The following ITGA8 variants were observed in gnomAD, a reference collection of about 807,000 sequenced individuals.
ITGA8 encodes the protein integrin subunit alpha 8, also known as integrin alpha-8.
ITGA8 carries 91 observed loss-of-function variants against 142.3 expected under a neutral mutation model. That is an observed-to-expected ratio of 0.64 (90% CI 0.54 to 0.76). The LOEUF is 0.76. Ranked by LOEUF, ITGA8 falls within the 30% of genes least tolerant of loss-of-function variation. The pLI, the probability that ITGA8 is intolerant of heterozygous loss-of-function variation, is 0.00. For missense variants in ITGA8, 1,406 were observed against 1,327.7 expected (o/e 1.06, Z -0.92); for synonymous variants, 505 against 485.2 (o/e 1.04, Z -0.54).
intron 12 of ITGA8, among the ~76,000 whole-genome samples, chr10:15,644,484 ATATATATAGAATT>A (rs1833939896): frequency 8.4e-5 from 1 of 11,882 alleles, no homozygotes; most frequent in Admixed American, 1.4e-3. Flanking sequence ...ATATATATAT[ATATATATAGAATT>A]TTTTTTTTTT....
chr10:15,715,119 C>T lies in ITGA8; in HGVS notation c.343+3647G>A, dbSNP rs536751371. Among the ~76,000 whole-genome samples, 8 of 152,028 alleles carry T rather than the reference C, an allele frequency of 5.3e-5. No homozygotes were observed. The South Asian group carries it at 8.3e-4, about 16-fold the overall frequency. The stretch of plus-strand genomic sequence containing the variant: ...TCCTTTTTTTCGGGGGAGAACAGTA[C>T]GTTACTGGCACTGAGCAGAGAGTAA... On this transcript the variant is annotated intron_variant, in intron 2 of 29. Coordinates refer to ENST00000378076, the MANE Select transcript of ITGA8 (RefSeq NM_003638.3).
chr10:15,683,399 G>A lies in ITGA8; in HGVS notation c.568+605C>T, dbSNP rs547639637. On this transcript the variant is annotated intron_variant, in intron 4 of 29. Coordinates refer to ENST00000378076, the MANE Select transcript of ITGA8 (RefSeq NM_003638.3). ...AGAGATAAAGTGATTAAAACACAAT[G>A]CCCCAAAGATGACACTCCCAGGTTT... 1.1e-4 allele frequency among the ~76,000 whole-genome samples: 16 copies of A among 149,254 alleles called. No homozygotes were observed. The South Asian group carries it at 3.3e-3, about 31-fold the overall frequency.
chr10:15,675,791 T>C (rs1202958820), intron 6 of ITGA8, among the ~76,000 whole-genome samples: 1 of 152,210 alleles, frequency 6.6e-6, no homozygotes, highest in Non-Finnish European at 1.5e-5. Context: ...TGGTTTTCCA[T>C]AGTTTGTAGA....
intron 27 of ITGA8, among the ~76,000 whole-genome samples, chr10:15,543,998 T>C (rs58585349): frequency 0.055 from 8,408 of 151,978 alleles, 755 homozygotes; most frequent in African/African-American, 0.19. Flanking sequence ...CTGGCAACCA[T>C]CAGAAGCTAG....
chr10:15,671,271 A>G (rs977539013), intron 8 of ITGA8, among the ~76,000 whole-genome samples: 1 of 152,244 alleles, frequency 6.6e-6, no homozygotes. Flanking sequence ...GAGAGGTACT[A>G]GAAATGAAGG....
chr10:15,647,651 A>C (rs1035865419), intron 11 of ITGA8, among the ~76,000 whole-genome samples: 3 of 150,750 alleles, frequency 2.0e-5, no homozygotes, highest in African/African-American at 7.3e-5. Context: ...TTTAGTAGAG[A>C]CGGGGTTTCA....
At chr10:15,549,205 T>A (rs1309397541) in intron 26 of ITGA8, among the ~76,000 whole-genome samples, 8 of 12,070 alleles carry the variant, frequency 6.6e-4, no homozygotes, top group African/African-American at 1.3e-3. Context: ...TTTTCTGTTT[T>A]TTTTTTTTTT....
chr10:15,547,838 T>C (rs1192672095), intron 27 of ITGA8, among the ~76,000 whole-genome samples: 1 of 152,192 alleles, frequency 6.6e-6, no homozygotes, highest in African/African-American at 2.4e-5. Context: ...TATGTTCTCA[T>C]ACTCATCATG....
chr10:15,531,696 G>C (rs1024850362), intron 27 of ITGA8, among the ~76,000 whole-genome samples: 4 of 152,176 alleles, frequency 2.6e-5, no homozygotes, highest in African/African-American at 9.6e-5. Flanking sequence ...CCAGCACTTT[G>C]GGAGGCCGAG....
intron 2 of ITGA8, among the ~76,000 whole-genome samples, chr10:15,711,499 T>C (rs1273807019): frequency 6.6e-6 from 1 of 152,068 alleles, no homozygotes; most frequent in African/African-American, 2.4e-5. Flanking sequence ...TCATATTATT[T>C]ATACATTTAT....
At chr10:15,551,107 T>A (rs184945899) in intron 26 of ITGA8, among the ~76,000 whole-genome samples, 1 of 152,034 alleles carries the variant, frequency 6.6e-6, no homozygotes, top group African/African-American at 2.4e-5. Flanking sequence ...TGAGAAGTCA[T>A]GGAGACAAGG....
At chr10:15,549,710 T>C (rs555258475) in intron 26 of ITGA8, among the ~76,000 whole-genome samples, 7 of 152,206 alleles carry the variant, frequency 4.6e-5, no homozygotes, top group East Asian at 1.9e-4. Flanking sequence ...TAAAAATCAA[T>C]GTATTGGATA....
intron 13 of ITGA8, among the ~76,000 whole-genome samples, chr10:15,632,436 A>G (rs1833700423): frequency 6.6e-6 from 1 of 152,240 alleles, no homozygotes; most frequent in African/African-American, 2.4e-5. Flanking sequence ...GACTATAGCT[A>G]ATCTTTGTTT....
rs74695160 is a variant in ITGA8 at position 15,572,752 on chromosome 10, C to T, written c.2479-383G>A. Among the ~76,000 whole-genome samples, 601 of 152,292 alleles carry T rather than the reference C, an allele frequency of 3.9e-3. 4 individuals carry two copies. The highest frequency in any genetic ancestry group is 0.014 in the African/African-American group (574 of 41,568). ...GTCTCTTTACATTGAAATCTGCCTC[C>T]GCTTTCTTGACTACTGACTGTCAAT... On this transcript the variant is annotated intron_variant, in intron 24 of 29. Coordinates refer to ENST00000378076, the MANE Select transcript of ITGA8 (RefSeq NM_003638.3).
chr10:15,652,177 T>G (rs1429571429), intron 11 of ITGA8, among the ~76,000 whole-genome samples: 1 of 152,238 alleles, frequency 6.6e-6, no homozygotes. Flanking sequence ...TCACAATTTG[T>G]TTTTTCCTTA....
chr10:15,623,843 G>A (rs1455925619), intron 13 of ITGA8, among the ~76,000 whole-genome samples: 1 of 152,084 alleles, frequency 6.6e-6, no homozygotes, highest in Non-Finnish European at 1.5e-5. Flanking sequence ...ATGCCCAAAT[G>A]TCACCCATGC....
chr10:15,560,801 TC>T (rs1833960970), intron 25 of ITGA8, among the ~76,000 whole-genome samples: 1 of 152,224 alleles, frequency 6.6e-6, no homozygotes, highest in African/African-American at 2.4e-5. Flanking sequence ...GGAAGGGCAG[TC>T]CTCAAAGTGT....
chr10:15,698,744 C>A (rs1426185492), intron 2 of ITGA8, among the ~76,000 whole-genome samples: 1 of 152,120 alleles, frequency 6.6e-6, no homozygotes, highest in Non-Finnish European at 1.5e-5. Context: ...CCTTAGCCCA[C>A]TTTTTGATGG....
chr10:15,600,928 G>A (rs1474760276), intron 20 of ITGA8, among the ~76,000 whole-genome samples: 1 of 152,142 alleles, frequency 6.6e-6, no homozygotes, highest in Non-Finnish European at 1.5e-5. Context: ...GGATGCTGAT[G>A]TCATTCTTGT....
Sources: allele counts gnomAD v4.1 joint callset (sites outside exome capture counted in the v4.1 genomes callset), GRCh38; gene constraint gnomAD v4.1.1; transcripts MANE v1.5; gene names NCBI Gene and HGNC (gene_info 2026-07-23, HGNC 2026-07-21).